The following GSE1 variants were observed in gnomAD, a reference collection of about 807,000 sequenced individuals.
GSE1 encodes the protein Gse1 coiled-coil protein.
A neutral mutation model predicts 112.6 loss-of-function variants in GSE1; 32 were observed. The ratio of observed to expected loss-of-function variants is 0.28; its 90% confidence interval spans 0.21 to 0.38. GSE1 has a LOEUF of 0.38. Among genes scored for constraint, GSE1 ranks in the 10% least tolerant of loss-of-function variants. The pLI is 1.00. For synonymous variants in GSE1, 1,115 were observed against 735.6 expected (o/e 1.52, Z -8.35); for missense variants, 2,348 against 1,699.2 (o/e 1.38, Z -6.71).
intron 1 of GSE1, among the ~76,000 whole-genome samples, chr16:85,620,866 G>A (rs1242704224): frequency 2.6e-5 from 4 of 152,102 alleles, no homozygotes. Flanking sequence ...TGTCTGCTGT[G>A]TTGGGGAACC....
intron 2 of GSE1, among the ~76,000 whole-genome samples, chr16:85,549,099 A>G (rs1395431986): frequency 3.3e-5 from 5 of 151,888 alleles, no homozygotes; most frequent in African/African-American, 1.2e-4. Flanking sequence ...GAGATTCTTA[A>G]TTGCATCTTC....
At chr16:85,590,314 A>G (rs1026276081) in intron 1 of GSE1, among the ~76,000 whole-genome samples, 92 of 142,812 alleles carry the variant, frequency 6.4e-4, no homozygotes, top group Non-Finnish European at 5.4e-4. Flanking sequence ...GCATGGGCCC[A>G]TGTGTGAATG....
chr16:85,531,047 A>G (rs981613308), intron 2 of GSE1, among the ~76,000 whole-genome samples: 8 of 152,248 alleles, frequency 5.3e-5, no homozygotes, highest in Admixed American at 4.6e-4. Flanking sequence ...AGGAGTTGCC[A>G]ACTGATGCCA....
At chr16:85,420,320 A>G (rs2048806682) in intron 2 of GSE1, among the ~76,000 whole-genome samples, 2 of 152,094 alleles carry the variant, frequency 1.3e-5, no homozygotes, top group South Asian at 4.2e-4. Flanking sequence ...GGACACCTTG[A>G]TTTCCAACTT....
At chr16:85,288,924 A>G (rs2045122615) in intron 1 of GSE1, among the ~76,000 whole-genome samples, 1 of 152,092 alleles carries the variant, frequency 6.6e-6, no homozygotes, top group Non-Finnish European at 1.5e-5. Flanking sequence ...TGGGCCTGAG[A>G]AATGGTGTGC....
At chr16:85,636,712 G>A (rs1376996310) in intron 2 of GSE1, among the ~76,000 whole-genome samples, 4 of 152,288 alleles carry the variant, frequency 2.6e-5, no homozygotes, top group South Asian at 2.1e-4. Flanking sequence ...GAGAGCCGCC[G>A]TTAGGACAGT....
intron 1 of GSE1, among the ~76,000 whole-genome samples, chr16:85,221,747 C>T (rs904602797): frequency 2.0e-4 from 31 of 152,196 alleles, no homozygotes; most frequent in African/African-American, 7.5e-4. Context: ...CCTTCATGTC[C>T]AGGCAGGTGG....
chr16:85,574,874 T>TA (rs1241151747), intron 1 of GSE1, among the ~76,000 whole-genome samples: 3 of 152,136 alleles, frequency 2.0e-5, no homozygotes, highest in African/African-American at 4.8e-5. Context: ...GCCCTGGTTA[T>TA]ATTGGGATCT....
At chr16:85,237,473 G>A (rs1291378924) in intron 1 of GSE1, among the ~76,000 whole-genome samples, 3 of 152,178 alleles carry the variant, frequency 2.0e-5, no homozygotes, top group African/African-American at 7.2e-5. Flanking sequence ...CTGGGAGGGA[G>A]TTCCGAGCTG....
chr16:85,331,375 A>ATATATATG (rs2046344644), intron 1 of GSE1, among the ~76,000 whole-genome samples: 2 of 134,398 alleles, frequency 1.5e-5, no homozygotes, highest in African/African-American at 5.5e-5. Context: ...GTATATATGT[A>ATATATATG]TATATATGTA....
Position 85,657,364 on chromosome 16 carries a change from G to C in GSE1, c.1400G>C (p.Ser467Thr), listed in dbSNP as rs760801940. The C allele has an allele frequency of 2.6e-5, 42 of 1,612,232 alleles. No individual in the cohort carries two copies. Among genetic ancestry groups the C allele is most frequent in the Non-Finnish European group, 3.1e-5 (36 of 1,179,806 alleles). Residue 467 changes from serine to threonine, a missense_variant, in exon 8 of 16, where the codon AGC becomes ACC. Coordinates refer to ENST00000253458, the MANE Select transcript of GSE1 (RefSeq NM_014615.5). The part of the protein sequence containing the change: ...PVPTPHHTVP[S>T]LISNHGIFSL... ...CCCACCCCACACCACACGGTGCCCA[G>C]CCTCATCTCCAACCATGGCATCTTC...
intron 2 of GSE1, among the ~76,000 whole-genome samples, chr16:85,433,846 G>A (rs1261463731): frequency 6.6e-6 from 1 of 151,914 alleles, no homozygotes; most frequent in Non-Finnish European, 1.5e-5. Flanking sequence ...GATAGATGTT[G>A]GTTGTACAGA....
intron 2 of GSE1, among the ~76,000 whole-genome samples, chr16:85,428,542 C>T (rs2151754906): frequency 6.6e-6 from 1 of 152,360 alleles, no homozygotes; most frequent in East Asian, 1.9e-4. Context: ...GCACTGCTAG[C>T]AGTTTATTCC....
chr16:85,614,957 G>GGACAAAGGC (rs1188509069), intron 1 of GSE1, among the ~76,000 whole-genome samples: 2 of 152,252 alleles, frequency 1.3e-5, no homozygotes, highest in Admixed American at 1.3e-4. Context: ...AAGGGGCAGA[G>GGACAAAGGC]AGAAGGTCTT....
chr16:85,585,390 A>G (rs1306318743), intron 1 of GSE1, among the ~76,000 whole-genome samples: 1 of 152,084 alleles, frequency 6.6e-6, no homozygotes, highest in Admixed American at 6.5e-5. Context: ...CCGAGAGGGC[A>G]TTTTCAGGGT....
At chr16:85,657,239 G>C in intron 7 of GSE1, 38 bp from the exon 8 acceptor site, 1 of 1,414,968 alleles carries the variant, frequency 7.1e-7, no homozygotes, top group Non-Finnish European at 9.6e-7. Flanking sequence ...GCTGGCCCAC[G>C]TGGCTGAGAT....
At chr16:85,626,386 G>A (rs562588676) in intron 1 of GSE1, among the ~76,000 whole-genome samples, 3 of 152,262 alleles carry the variant, frequency 2.0e-5, no homozygotes, top group Non-Finnish European at 2.9e-5. Context: ...ACCCGACCTC[G>A]TTAGGGCCAC....
intron 2 of GSE1, among the ~76,000 whole-genome samples, chr16:85,479,188 A>ATTTTTTTTT (rs59825091): frequency 1.6e-4 from 13 of 82,478 alleles, no homozygotes; most frequent in African/African-American, 5.2e-4. Context: ...TGCCCGGCTA[A>ATTTTTTTTT]TTTTTTTTTT....
chr16:85,308,340 G>T (rs538670834), intron 1 of GSE1, among the ~76,000 whole-genome samples: 12 of 152,144 alleles, frequency 7.9e-5, no homozygotes, highest in Non-Finnish European at 1.8e-4. Flanking sequence ...AACCTTTTGG[G>T]ACAGCCAGGG....
Sources: gnomAD v4.1 joint callset for allele counts (sites outside exome capture counted in the v4.1 genomes callset) on GRCh38, gnomAD v4.1.1 for gene constraint, MANE v1.5 for transcripts, NCBI Gene and HGNC (gene_info 2026-07-23, HGNC 2026-07-21) for gene names.